The following CAMTA1 variants were observed in gnomAD, a reference collection of about 807,000 sequenced individuals.
CAMTA1 encodes calmodulin-binding transcription activator 1.
CAMTA1 carries 27 observed loss-of-function variants against 170.9 expected under a neutral mutation model. The observed-to-expected ratio is 0.16, with a 90% confidence interval of 0.12 to 0.22. CAMTA1 has a LOEUF of 0.22. CAMTA1 is among the 10% of genes least tolerant of loss of function. The probability of loss-of-function intolerance (pLI) is 1.00; values close to 1 mark genes in which losing one functional copy is unlikely to be tolerated. For missense variants in CAMTA1, 1,619 were observed against 2,217.2 expected, an observed-to-expected ratio of 0.73 and a Z score of 5.42; for synonymous variants, 833 against 891.5, an observed-to-expected ratio of 0.93 and a Z score of 1.17.
intron 6 of CAMTA1, among the ~76,000 whole-genome samples, chr1:7,528,431 T>A (rs74053099): frequency 0.14 from 20,875 of 149,358 alleles, 1,556 homozygotes; most frequent in Non-Finnish European, 0.17. Flanking sequence ...TTTGGTTTTT[T>A]AAAAAAAAAA....
Position 7,467,865 on chromosome 1 carries a change from C to G in CAMTA1, c.474C>G (p.Ile158Met). The change falls in exon 6 of 23, where the codon ATC becomes ATG. Residue 158 changes from isoleucine (I) to methionine (M), a missense_variant. Ile to Met is a conservative substitution (Grantham distance 10). Coordinates refer to ENST00000303635, the MANE Select transcript of CAMTA1 (RefSeq NM_015215.4). ...LYGCYVHSSIIPTFHRRCYWL... is the reference protein window; with the variant it reads ...LYGCYVHSSIMPTFHRRCYWL... Reference sequence around the variant, plus strand: ...GCTGCTATGTCCATTCCTCCATCATCCCCACCTTCCACCGGAGGTGCTACT... The same window carrying G: ...GCTGCTATGTCCATTCCTCCATCATGCCCACCTTCCACCGGAGGTGCTACT... 1 of 1,614,100 alleles carries G rather than the reference C, an allele frequency of 6.2e-7. No individual in the cohort carries two copies. The highest frequency in any genetic ancestry group is 8.5e-7 in the Non-Finnish European group (1 of 1,179,916).
Position 7,680,199 on chromosome 1 carries a change from G to A in CAMTA1, c.2914+2466G>A. Reference sequence around the variant, plus strand: ...TGAACTTTGCGTCCGGGCCAATGCTGCAGTGGCCGGGCGGTGGTGAGCCTT... The same window carrying A: ...TGAACTTTGCGTCCGGGCCAATGCTACAGTGGCCGGGCGGTGGTGAGCCTT... On this transcript the variant is annotated intron_variant, in intron 11 of 22. Coordinates refer to ENST00000303635, the MANE Select transcript of CAMTA1 (RefSeq NM_015215.4). This position sits in a 1 kb window ranked among gnomAD's most constrained non-coding sequence, Gnocchi z 4.4. The A allele has an allele frequency of 3.5e-6, 1 of 282,762 alleles. No individual in the cohort carries two copies. Among genetic ancestry groups the A allele is most frequent in the Non-Finnish European group, 7.7e-6 (1 of 130,364 alleles). 17.5% of individuals were successfully genotyped at this position (282,762 alleles called of 1,614,324 possible). A position where few individuals can be genotyped will look rare whatever the true frequency, so the allele number is the denominator to read the frequency against.
intron 6 of CAMTA1, among the ~76,000 whole-genome samples, chr1:7,577,868 A>T (rs888501520): frequency 6.6e-6 from 1 of 152,170 alleles, no homozygotes; most frequent in Non-Finnish European, 1.5e-5. Flanking sequence ...GGCGGGCCAG[A>T]TTTGGGCCTA....
At chr1:7,143,600 G>A (rs917450022) in intron 4 of CAMTA1, among the ~76,000 whole-genome samples, 12 of 152,120 alleles carry the variant, frequency 7.9e-5, no homozygotes, top group Non-Finnish European at 1.2e-4. Context: ...TAACACTGAG[G>A]TTCTTCTCCC....
At chr1:6,785,645 C>A in intron 1 of CAMTA1, 70 bp downstream of exon 1, 1 of 879,330 alleles carries the variant, frequency 1.1e-6, no homozygotes, top group Non-Finnish European at 1.4e-6. Context: ...GCCGGACATC[C>A]CGGGCATCGG....
In CAMTA1 at chr1:6,960,059, A is replaced by T. The variant is rs185604294; in HGVS notation, c.235-131245A>T. On this transcript the variant is annotated intron_variant, in intron 3 of 22. Coordinates refer to ENST00000303635, the MANE Select transcript of CAMTA1 (RefSeq NM_015215.4). Reference sequence around the variant, plus strand: ...CATGAGAAATTAAATAACCAGTCCCAGGTCACCAGGTAGTTGGTGGCAGAG... The same window carrying T: ...CATGAGAAATTAAATAACCAGTCCCTGGTCACCAGGTAGTTGGTGGCAGAG... Among the ~76,000 whole-genome samples the T allele has an allele frequency of 1.5e-3, 234 of 152,330 alleles. 4 individuals are homozygous for T. Among genetic ancestry groups the T allele is most frequent in the Non-Finnish European group, 4.1e-4 (28 of 68,032 alleles).
At chr1:7,031,687 G>T (rs541761658) in intron 3 of CAMTA1, among the ~76,000 whole-genome samples, 2 of 151,892 alleles carry the variant, frequency 1.3e-5, no homozygotes, top group Non-Finnish European at 2.9e-5. Context: ...CTACAGGCGC[G>T]TGCCACCATG....
chr1:7,755,326 CAAAAAAAAAAAAAAAAAA>C (rs70987373), intron 21 of CAMTA1, among the ~76,000 whole-genome samples: 1 of 61,970 alleles, frequency 1.6e-5, no homozygotes, highest in Non-Finnish European at 2.8e-5. Context: ...GACTCCGTCT[CAAAAAAAAAAAAAAAAAA>C]AAAAAAAAGG....
intron 3 of CAMTA1, among the ~76,000 whole-genome samples, chr1:6,899,589 CA>C (rs1205976415): frequency 6.7e-6 from 1 of 149,708 alleles, no homozygotes; most frequent in East Asian, 1.9e-4. Flanking sequence ...CACACACACA[CA>C]CACAGAGTTT....
intron 3 of CAMTA1, among the ~76,000 whole-genome samples, chr1:7,040,160 ATTT>A (rs35270229): frequency 7.2e-6 from 1 of 139,618 alleles, no homozygotes. Flanking sequence ...GCTAACTGTG[ATTT>A]TTTTTTTTTT....
chr1:7,340,686 A>G (rs1199621940), intron 5 of CAMTA1, among the ~76,000 whole-genome samples: 1 of 151,406 alleles, frequency 6.6e-6, no homozygotes, highest in Non-Finnish European at 1.5e-5. Context: ...TGCTTCTTCC[A>G]TCCATCTAGC....
rs1435849345 is a variant in CAMTA1 at position 6,965,643 on chromosome 1, G to C, written c.235-125661G>C. Among the ~76,000 whole-genome samples the C allele has an allele frequency of 6.6e-6, 1 of 152,146 alleles. No individual in the cohort carries two copies. Among genetic ancestry groups the C allele is most frequent in the Non-Finnish European group, 1.5e-5 (1 of 68,038 alleles). On this transcript the variant is annotated intron_variant, in intron 3 of 22. Transcript: ENST00000303635. The surrounding 1 kb of genome is among the most constrained non-coding windows in gnomAD (Gnocchi z 4.1). ...TTAGCTAATCAACAGTGAGGAGAAA[G>C]TCCTGACAACAAGTAAAGAAAACTT...
At chr1:7,647,907 G>T (rs896047294) in intron 7 of CAMTA1, among the ~76,000 whole-genome samples, 1 of 152,192 alleles carries the variant, frequency 6.6e-6, no homozygotes, top group Non-Finnish European at 1.5e-5. Context: ...AACATGGCGA[G>T]ACCCTGTCTC....
In CAMTA1 at chr1:7,738,477, A is replaced by G. The variant is rs2096786839; in HGVS notation, c.4177A>G (p.Ile1393Val). The G allele has an allele frequency of 1.2e-6, 2 of 1,612,906 alleles. No individual in the cohort carries two copies. Among genetic ancestry groups the G allele is most frequent in the Non-Finnish European group, 1.7e-6 (2 of 1,179,110 alleles). The change falls in exon 16 of 23, where the codon ATA becomes GTA. Residue 1393 changes from isoleucine (I) to valine (V), a missense_variant. This residue lies in a region of CAMTA1 where 370 missense variants were observed against 429.4 expected (regional missense o/e 0.86). Coordinates refer to ENST00000303635, the MANE Select transcript of CAMTA1 (RefSeq NM_015215.4). The surrounding 1 kb of genome is among the most constrained non-coding windows in gnomAD (Gnocchi z 4.9). Reference sequence around the variant, plus strand: ...AGAATGCGGCCAGCCCATGGATGACATACAGGTAAAAAGCAGGGACAGGGT... The same window carrying G: ...AGAATGCGGCCAGCCCATGGATGACGTACAGGTAAAAAGCAGGGACAGGGT... ...NEECGQPMDD[I>V]QVNMMTLAEH...
At chr1:7,110,756 C>A (rs771220184) in intron 4 of CAMTA1, among the ~76,000 whole-genome samples, 10 of 152,342 alleles carry the variant, frequency 6.6e-5, no homozygotes, top group Non-Finnish European at 1.3e-4. Flanking sequence ...TCCCTTTGGT[C>A]GGTCCTCTTT....
intron 3 of CAMTA1, among the ~76,000 whole-genome samples, chr1:6,828,977 A>G (rs925017129): frequency 4.0e-5 from 6 of 148,646 alleles, no homozygotes; most frequent in Non-Finnish European, 7.4e-5. Flanking sequence ...GCTCCCTGCA[A>G]CCTCCACCCC....
chr1:6,836,627 G>A (rs1653263207), intron 3 of CAMTA1, among the ~76,000 whole-genome samples: 1 of 152,136 alleles, frequency 6.6e-6, no homozygotes, highest in South Asian at 2.1e-4. Context: ...GTGCATGCAT[G>A]TGCACTCATC....
chr1:6,988,105 G>GT (rs1450763312), intron 3 of CAMTA1, among the ~76,000 whole-genome samples: 1 of 152,140 alleles, frequency 6.6e-6, no homozygotes, highest in Non-Finnish European at 1.5e-5. Context: ...CCTAAGTTCC[G>GT]TTTTCGTGTC....
chr1:7,233,288 C>T (rs115259421), intron 4 of CAMTA1, among the ~76,000 whole-genome samples: 1,913 of 152,238 alleles, frequency 0.013, 36 homozygotes, highest in African/African-American at 0.044. Context: ...GGACTTTGGC[C>T]GGAGGAGACT....
Sources: gnomAD v4.1 joint callset for allele counts (sites outside exome capture counted in the v4.1 genomes callset) on GRCh38, gnomAD v4.1.1 for gene constraint, gnomAD v4.1.1 regional missense constraint, Gnocchi (gnomAD v3.1) non-coding constraint, MANE v1.5 for transcripts, NCBI Gene and HGNC (gene_info 2026-07-23, HGNC 2026-07-21) for gene names.